PARP15: variants seen among roughly 807,000 people sequenced by gnomAD.
PARP15 encodes protein mono-ADP-ribosyltransferase PARP15.
In PARP15, 50 loss-of-function variants were observed where a neutral mutation model predicts 62.1. The ratio of observed to expected loss-of-function variants is 0.81; its 90% CI spans 0.64 to 1.02. The LOEUF (loss-of-function observed/expected upper bound fraction) is 1.02. Ranked by LOEUF, PARP15 falls within the 50% of genes least tolerant of loss-of-function variation. The pLI, the probability that PARP15 is intolerant of heterozygous loss-of-function variation, is 0.00. For missense variants in PARP15, 820 were observed against 826.5 expected (o/e 0.99, Z 0.10); for synonymous variants, 309 against 293.1 (o/e 1.05, Z -0.55).
chr3:122,630,802 C>T (rs1157561777), intron 9 of PARP15, among the ~76,000 whole-genome samples: 2 of 152,142 alleles, frequency 1.3e-5, no homozygotes, highest in Non-Finnish European at 2.9e-5. Context: ...TCCTAAAGCG[C>T]TTTCAGACTC....
chr3:122,603,432 C>G (rs189713962), intron 1 of PARP15, among the ~76,000 whole-genome samples: 155 of 152,146 alleles, frequency 1.0e-3, no homozygotes, highest in African/African-American at 3.3e-3. Flanking sequence ...GTCTAAATAT[C>G]AAGTCACCAG....
chr3:122,579,400 G>A (rs999243877), intron 1 of PARP15, among the ~76,000 whole-genome samples: 4 of 152,072 alleles, frequency 2.6e-5, no homozygotes, highest in African/African-American at 7.2e-5. Context: ...ATACTTTTTA[G>A]TGTATACTTC....
intron 1 of PARP15, among the ~76,000 whole-genome samples, chr3:122,582,747 TTCTCCTGTACCTTCCTC>T (rs140647974): frequency 0.12 from 18,535 of 152,182 alleles, 1,224 homozygotes; most frequent in East Asian, 0.22. Flanking sequence ...TTCAAATATT[TTCTCCTGTACCTTCCTC>T]TCTCTCTTTC....
intron 1 of PARP15, among the ~76,000 whole-genome samples, chr3:122,586,105 G>A (rs989690775): frequency 6.6e-6 from 1 of 152,106 alleles, no homozygotes. Flanking sequence ...TTAGGTGTTG[G>A]TTGTGAGGTA....
chr3:122,622,769 A>G (rs1936431031), intron 8 of PARP15, among the ~76,000 whole-genome samples: 1 of 152,182 alleles, frequency 6.6e-6, no homozygotes, highest in Non-Finnish European at 1.5e-5. Flanking sequence ...TGACAGTGCT[A>G]CTGGTCACTC....
chr3:122,619,641 A>G, intron 6 of PARP15, 140 bp from the exon 7 acceptor site: 1 of 697,194 alleles, frequency 1.4e-6, no homozygotes, highest in East Asian at 2.7e-5. Flanking sequence ...GTTGCTATAG[A>G]AAGAGCAGTT....
rs773535090 is a variant in PARP15 at position 122,632,154 on chromosome 3, C to G, written c.1507C>G (p.Gln503Glu). Reference protein sequence around the residue: ...LFCMVQLEPGQSEYNTIKDKF... With the variant: ...LFCMVQLEPGESEYNTIKDKF... ...TTGCATGGTCCAGCTAGAGCCAGGA[C>G]AATCAGAATATAATACCATAAAGGA... Residue 503 changes from glutamine (Q) to glutamate (E), a missense_variant, in exon 10 of 12, where the codon CAA (glutamine) becomes GAA (glutamate). Physicochemically the swap from Gln to Glu is conservative, Grantham distance 29. This residue lies in a region of PARP15 where 731 missense variants were observed against 727.7 expected (regional missense o/e 1.00). Coordinates refer to ENST00000464300, the MANE Select transcript of PARP15 (RefSeq NM_001113523.3). 9 of 1,613,724 alleles carry G rather than the reference C, an allele frequency of 5.6e-6. No individual in the cohort carries two copies. The Admixed American group carries it at 1.3e-4, about 24-fold the overall frequency.
chr3:122,590,192 G>A (rs1416458650), intron 1 of PARP15, among the ~76,000 whole-genome samples: 1 of 110,446 alleles, frequency 9.1e-6, no homozygotes, highest in African/African-American at 3.4e-5. Flanking sequence ...GGCCTGTAAA[G>A]CATAACTTTT....
intron 3 of PARP15, among the ~76,000 whole-genome samples, chr3:122,612,594 G>A (rs1262348732): frequency 2.0e-5 from 3 of 151,678 alleles, no homozygotes; most frequent in Non-Finnish European, 2.9e-5. Context: ...CTGCCACCAC[G>A]CCTGGCTAAT....
At position 122,577,676 on chromosome 3, in the gene PARP15, G is replaced by T; in HGVS notation, c.9G>T (p.Ala3=). The stretch of plus-strand genomic sequence containing the variant: ...GTCCCAGCGAGCTGAGGATGGCTGC[G>T]CCAGGCCCCCTTCCTGCCGCTGCTC... MA[A]PGPLPAAALS... The change falls in exon 1 of 12, where the codon GCG becomes GCT. Residue 3 remains alanine (A), a synonymous_variant. Coordinates refer to ENST00000464300, the MANE Select transcript of PARP15 (RefSeq NM_001113523.3). 6.4e-7 allele frequency: 1 copy of T among 1,551,548 alleles called. No individual in the cohort carries two copies.
chr3:122,588,075 A>C (rs1933593342), intron 1 of PARP15, among the ~76,000 whole-genome samples: 1 of 152,182 alleles, frequency 6.6e-6, no homozygotes, highest in Non-Finnish European at 1.5e-5. Flanking sequence ...TTTAAAGTAT[A>C]GCAAGCCAAG....
chr3:122,581,607 G>C (rs1295034203), intron 1 of PARP15, among the ~76,000 whole-genome samples: 1 of 152,142 alleles, frequency 6.6e-6, no homozygotes, highest in Non-Finnish European at 1.5e-5. Context: ...TGTTGAAGTT[G>C]AGTTGTAGGG....
In PARP15 at chr3:122,613,029, T is replaced by C. The variant is rs533220082; in HGVS notation, c.544-12T>C. On this transcript the variant is annotated splice_polypyrimidine_tract_variant and intron_variant, in intron 3 of 11. Transcript: ENST00000464300. Reference sequence around the variant, plus strand: ...AGCCCTAACTTATGTAAATGTACTTTGCACATTTCAGATCATGGCAAATAT... The same window carrying C: ...AGCCCTAACTTATGTAAATGTACTTCGCACATTTCAGATCATGGCAAATAT... The C allele has an allele frequency of 5.1e-5, 79 of 1,538,100 alleles. No homozygotes were observed. The East Asian group carries it at 1.9e-3, about 37-fold the overall frequency.
intron 8 of PARP15, among the ~76,000 whole-genome samples, 167 bp downstream of exon 8, chr3:122,621,778 C>T (rs1936365696): frequency 6.6e-6 from 1 of 152,112 alleles, no homozygotes; most frequent in Non-Finnish European, 1.5e-5. Flanking sequence ...AGCTACTGGG[C>T]CGAAGCCTCT....
intron 1 of PARP15, 132 bp from the exon 2 acceptor site, chr3:122,605,804 A>T (rs534664429): frequency 4.8e-6 from 4 of 829,008 alleles, no homozygotes; most frequent in Non-Finnish European, 7.2e-6. Flanking sequence ...CTGTTCTTGA[A>T]CTCCTGGGCT....
At chr3:122,615,169 C>G in intron 4 of PARP15, 1 of 1,212,802 alleles carries the variant, frequency 8.2e-7, no homozygotes, top group East Asian at 5.8e-5. Context: ...TCTACTCTGT[C>G]GCCCATTGCT....
Position 122,626,889 on chromosome 3 carries a change from T to C in PARP15, c.1294T>C (p.Ser432Pro), listed in dbSNP as rs147768790. The change falls in exon 9 of 12, where the codon TCA (serine) becomes CCA (proline). Residue 432 changes from serine to proline, a missense_variant. This residue lies in a region of PARP15 where 731 missense variants were observed against 727.7 expected (regional missense o/e 1.00). Coordinates refer to ENST00000464300, the MANE Select transcript of PARP15 (RefSeq NM_001113523.3). The stretch of plus-strand genomic sequence containing the variant: ...CATAATCGATGCTATTGTAGACTTC[T>C]CATCACAACATTCCACCCCATCATT... The part of the protein sequence containing the change: ...DNIIDAIVDF[S>P]SQHSTPSLKT... 1.4e-5 allele frequency: 23 copies of C among 1,614,150 alleles called. No homozygotes were observed. The highest frequency in any genetic ancestry group is 1.3e-4 in the East Asian group (6 of 44,874).
At chr3:122,608,219 T>C (rs1259106816) in intron 2 of PARP15, among the ~76,000 whole-genome samples, 16 of 137,762 alleles carry the variant, frequency 1.2e-4, no homozygotes, top group African/African-American at 2.5e-4. Context: ...TTTTCTTTTT[T>C]TTTTTTTTTT....
intron 1 of PARP15, chr3:122,595,016 G>A (rs1199711916): frequency 2.5e-6 from 1 of 396,390 alleles, no homozygotes; most frequent in African/African-American, 2.2e-5. Flanking sequence ...GATGTTCAAA[G>A]TGGTTATTCA....
Sources: allele counts gnomAD v4.1 joint callset (sites outside exome capture counted in the v4.1 genomes callset), GRCh38; gene constraint gnomAD v4.1.1; regional missense constraint gnomAD v4.1.1; transcripts MANE v1.5; gene names NCBI Gene and HGNC (gene_info 2026-07-23, HGNC 2026-07-21).